Variants in NR2F1-AS1 observed in about 807,000 individuals in gnomAD.
The protein encoded by NR2F1-AS1 is NR2F1 regulatory antisense RNA 1.
chr5:93,544,068 C>T (rs1752019724), intron 4 of NR2F1-AS1: 1 of 152,054 alleles, frequency 6.6e-6, no homozygotes, highest in African/African-American at 2.4e-5. Flanking sequence ...GGACTAAGTA[C>T]TTAACAGGAC....
At chr5:93,535,134 A>G (rs1184087434) in intron 4 of NR2F1-AS1, among the ~76,000 whole-genome samples, 2 of 151,472 alleles carry the variant, frequency 1.3e-5, no homozygotes, top group African/African-American at 4.9e-5. Flanking sequence ...ATCCTTAAAC[A>G]GAATGAGAGA....
At chr5:93,583,122 A>G (rs1346678725), upstream of NR2F1-AS1, 1 of 152,126 alleles carries the variant, frequency 6.6e-6, no homozygotes, top group South Asian at 2.1e-4. Flanking sequence ...GCTCCTTGAC[A>G]CGAGCTCCAT....
chr5:93,445,181 G>A (rs566473694), intron 4 of NR2F1-AS1, among the ~76,000 whole-genome samples: 6 of 152,010 alleles, frequency 3.9e-5, no homozygotes, highest in African/African-American at 1.4e-4. Context: ...GCTAGCAGAC[G>A]GCAAGAAATA....
At chr5:93,555,228 T>C (rs946844505) in intron 2 of NR2F1-AS1, among the ~76,000 whole-genome samples, 1 of 152,164 alleles carries the variant, frequency 6.6e-6, no homozygotes, top group Non-Finnish European at 1.5e-5. Context: ...CTCAGTCTAG[T>C]AAGAAATTAA....
chr5:93,566,451 G>C (rs1264479601), intron 1 of NR2F1-AS1, among the ~76,000 whole-genome samples: 2 of 152,022 alleles, frequency 1.3e-5, no homozygotes, highest in Non-Finnish European at 2.9e-5. Context: ...CACTACAGAA[G>C]AGAAACAAAT....
intron 4 of NR2F1-AS1, among the ~76,000 whole-genome samples, chr5:93,441,088 G>C (rs1749558905): frequency 6.6e-6 from 1 of 152,140 alleles, no homozygotes; most frequent in African/African-American, 2.4e-5. Context: ...ATAACATAAA[G>C]TATTGTGATT....
intron 1 of NR2F1-AS1, chr5:93,570,977 G>C (rs908392085): frequency 6.6e-6 from 1 of 152,244 alleles, no homozygotes; most frequent in Non-Finnish European, 1.5e-5. Context: ...AAATTCGTTC[G>C]CAAGGGAGCG....
At chr5:93,565,423 T>C (rs1271607169) in intron 1 of NR2F1-AS1, among the ~76,000 whole-genome samples, 1 of 152,114 alleles carries the variant, frequency 6.6e-6, no homozygotes, top group Admixed American at 6.5e-5. Flanking sequence ...AAAGTATTTA[T>C]TTAAATTTAT....
At chr5:93,526,337 A>C (rs1751614170) in intron 4 of NR2F1-AS1, among the ~76,000 whole-genome samples, 1 of 152,214 alleles carries the variant, frequency 6.6e-6, no homozygotes, top group Non-Finnish European at 1.5e-5. Flanking sequence ...AAGTTCTGAA[A>C]TTGAGGCAGT....
chr5:93,444,376 A>C (rs563758085), intron 4 of NR2F1-AS1, among the ~76,000 whole-genome samples: 1 of 152,266 alleles, frequency 6.6e-6, no homozygotes, highest in Non-Finnish European at 1.5e-5. Flanking sequence ...CAAATGGAAA[A>C]CAAAAAAAGC....
chr5:93,561,258 CA>C (rs1460470797), intron 2 of NR2F1-AS1, among the ~76,000 whole-genome samples: 5 of 143,026 alleles, frequency 3.5e-5, no homozygotes, highest in Non-Finnish European at 3.0e-5. Context: ...ACTCCATCTC[CA>C]AAAAAAAAAT....
intron 4 of NR2F1-AS1, among the ~76,000 whole-genome samples, chr5:93,532,702 T>A (rs1043394731): frequency 6.6e-5 from 10 of 152,376 alleles, no homozygotes; most frequent in Admixed American, 1.3e-4. Context: ...CCAGGTCACC[T>A]GACCTTGGGT....
chr5:93,485,677 A>C (rs1349715424), intron 4 of NR2F1-AS1, among the ~76,000 whole-genome samples: 1 of 152,100 alleles, frequency 6.6e-6, no homozygotes, highest in Non-Finnish European at 1.5e-5. Context: ...ACTGTAAACT[A>C]GTTCAAACAT....
intron 4 of NR2F1-AS1, among the ~76,000 whole-genome samples, chr5:93,519,258 T>C (rs766132134): frequency 6.6e-6 from 1 of 152,074 alleles, no homozygotes; most frequent in South Asian, 2.1e-4. Flanking sequence ...CTGACAGGAA[T>C]AGCAGATTTA....
intron 4 of NR2F1-AS1, chr5:93,542,699 G>A (rs1751980517): frequency 6.6e-6 from 1 of 152,202 alleles, no homozygotes; most frequent in South Asian, 2.1e-4. Flanking sequence ...TTTCTGGTAA[G>A]AAGAATATCG....
rs371981523 is a variant in NR2F1-AS1, at chr5:93,468,893, T to C, written n.639-73351A>G. ...TAGCCAGTTTTCCCAGCACCATTTA[T>C]TAAGCAGGGAATCCTTTCCCCATTG... On this transcript the variant is annotated intron_variant and non_coding_transcript_variant, in intron 4 of 5. Transcript: ENST00000660523. Among the ~76,000 whole-genome samples the C allele has an allele frequency of 7.2e-5, 11 of 152,340 alleles. No homozygotes were observed. The East Asian group carries it at 9.6e-4, about 13-fold the overall frequency.
At chr5:93,531,964 A>T (rs948224820) in intron 4 of NR2F1-AS1, among the ~76,000 whole-genome samples, 1 of 152,182 alleles carries the variant, frequency 6.6e-6, no homozygotes, top group Non-Finnish European at 1.5e-5. Flanking sequence ...TAAGACAAGA[A>T]ATTTTAAGGA....
chr5:93,428,439 A>G (rs1257552267), intron 4 of NR2F1-AS1, among the ~76,000 whole-genome samples: 1 of 152,254 alleles, frequency 6.6e-6, no homozygotes, highest in Non-Finnish European at 1.5e-5. Flanking sequence ...ACAGTGCCAA[A>G]TCAAAACTAC....
At chr5:93,430,208 G>A (rs547485944) in intron 4 of NR2F1-AS1, among the ~76,000 whole-genome samples, 17 of 152,180 alleles carry the variant, frequency 1.1e-4, no homozygotes, top group Admixed American at 8.5e-4. Context: ...TCAAAGTGGC[G>A]GGGGATGTCA....
Sources: gnomAD v4.1 joint callset for allele counts (sites outside exome capture counted in the v4.1 genomes callset) on GRCh38, gnomAD v4.1.1 for gene constraint, MANE v1.5 for transcripts, NCBI Gene and HGNC (gene_info 2026-07-23, HGNC 2026-07-21) for gene names.